The following ZNF726 variants were observed in gnomAD, a reference collection of about 807,000 sequenced individuals.
ZNF726 encodes zinc finger protein 92 pseudogene 3.
Under a neutral mutation model 11.6 loss-of-function variants are expected in ZNF726, and 15 were observed. The observed-to-expected ratio is 1.29, with a 90% CI of 0.86 to 1.99. The LOEUF (loss-of-function observed/expected upper bound fraction) is 1.99, where lower values mean the gene tolerates loss of function less well. Among genes scored for constraint, ZNF726 ranks in the 30% most tolerant of loss-of-function variants. The probability of loss-of-function intolerance (pLI) is 0.00; values close to 1 mark genes in which losing one functional copy is unlikely to be tolerated. For missense variants in ZNF726, 890 were observed against 725.6 expected (o/e 1.23, Z -2.60); for synonymous variants, 295 against 243.6 (o/e 1.21, Z -1.96).
chr19:23,923,910 T>C (rs974448789), intron 3 of ZNF726: 11 of 152,404 alleles, frequency 7.2e-5, no homozygotes. Context: ...TTGTATACTT[T>C]AAGTTAATGT....
intron 3 of ZNF726, chr19:23,921,560 T>G (rs1967852659): frequency 6.6e-6 from 1 of 152,174 alleles, no homozygotes; most frequent in South Asian, 2.1e-4. Context: ...CTCTCTAATT[T>G]TTTTATTGCT....
downstream of ZNF726, among the ~76,000 whole-genome samples, chr19:23,937,411 G>T (rs1315318191): frequency 6.6e-6 from 1 of 151,036 alleles, no homozygotes; most frequent in Non-Finnish European, 1.5e-5. Context: ...GGGCAGAGGG[G>T]CTCCTCACTT....
At chr19:23,936,921 A>G (rs1968243129), downstream of ZNF726, among the ~76,000 whole-genome samples, 1 of 151,752 alleles carries the variant, frequency 6.6e-6, no homozygotes, top group Non-Finnish European at 1.5e-5. Context: ...CCCCCTTTCT[A>G]TTCCACAAAA....
chr19:23,933,760 A>G lies in ZNF726; in HGVS notation c.1644A>G (p.Gln548=). 4 of 1,608,154 alleles carry G rather than the reference A, an allele frequency of 2.5e-6. No individual in the cohort carries two copies. Among genetic ancestry groups the G allele is most frequent in the Non-Finnish European group, 3.4e-6 (4 of 1,178,876 alleles). ...KCEECGKTFN[Q]SSNLSTHKII... ...AAGAATGTGGCAAAACTTTTAATCA[A>G]TCCTCAAATCTTAGTACACATAAGA... Residue 548 remains glutamine (Q), a synonymous_variant, in exon 4 of 4, where the codon CAA becomes CAG. Coordinates refer to ENST00000594466, the MANE Select transcript of ZNF726 (RefSeq NM_001244038.2).
chr19:23,921,911 A>G (rs548284445), intron 3 of ZNF726, among the ~76,000 whole-genome samples: 1 of 152,380 alleles, frequency 6.6e-6, no homozygotes, highest in Admixed American at 6.5e-5. Context: ...TTAAAATAGA[A>G]GCATTGACAA....
downstream of ZNF726, chr19:23,935,217 A>G (rs753057337): frequency 1.8e-5 from 8 of 445,396 alleles, no homozygotes; most frequent in Non-Finnish European, 2.8e-5. Context: ...CAGGTTTCCC[A>G]TGGAATGTGG....
intron 3 of ZNF726, among the ~76,000 whole-genome samples, chr19:23,924,289 G>T (rs1008445718): frequency 6.6e-6 from 1 of 151,034 alleles, no homozygotes; most frequent in Admixed American, 6.6e-5. Context: ...CCTGACCTCA[G>T]TTGAAATGCC....
Position 23,933,294 on chromosome 19 carries a change from G to C in ZNF726, c.1178G>C (p.Gly393Ala), listed in dbSNP as rs1189140892. 6.2e-7 allele frequency: 1 copy of C among 1,613,378 alleles called. No individual in the cohort carries two copies. The highest frequency in any genetic ancestry group is 8.5e-7 in the Non-Finnish European group (1 of 1,179,990). ...ACTAAACATAAGAGGATTCACACTGGAGAGAAACCCTACAAATGTGAAGAA... is the reference window on the plus strand; with the variant it reads ...ACTAAACATAAGAGGATTCACACTGCAGAGAAACCCTACAAATGTGAAGAA... ...TLTKHKRIHTGEKPYKCEECG... is the reference protein window; with the variant it reads ...TLTKHKRIHTAEKPYKCEECG... Residue 393 changes from glycine to alanine, a missense_variant, in exon 4 of 4, where the codon GGA becomes GCA. Gly to Ala is a moderately conservative substitution (Grantham distance 60, BLOSUM62 0). Transcript: ENST00000594466.
Position 23,933,954 on chromosome 19 carries a change from G to T in ZNF726, c.1838G>T (p.Arg613Met). 6.3e-7 allele frequency: 1 copy of T among 1,575,592 alleles called. No individual in the cohort carries two copies. Among genetic ancestry groups the T allele is most frequent in the Non-Finnish European group, 8.6e-7 (1 of 1,160,590 alleles). The change falls in exon 4 of 4, where the codon AGG becomes ATG. Residue 613 changes from arginine (R) to methionine (M), a missense_variant. Coordinates refer to ENST00000594466, the MANE Select transcript of ZNF726 (RefSeq NM_001244038.2). The stretch of plus-strand genomic sequence containing the variant: ...TCCTCAACCCTTTTTAAGCATAAGA[G>T]GATTCATACTTGAGAGAAACCTTAA... ...IWSSTLFKHK[R>M]IHT
At chr19:23,917,471 T>C (rs1221900758) in intron 1 of ZNF726, among the ~76,000 whole-genome samples, 1 of 149,282 alleles carries the variant, frequency 6.7e-6, no homozygotes, top group Non-Finnish European at 1.5e-5. Flanking sequence ...GCTTTTAGAA[T>C]GGTAGCTACC....
intron 3 of ZNF726, among the ~76,000 whole-genome samples, chr19:23,922,891 CT>C (rs1395817994): frequency 6.7e-6 from 1 of 148,942 alleles, no homozygotes; most frequent in East Asian, 2.0e-4. Flanking sequence ...GACAAATTTT[CT>C]TGCTGTCAGG....
chr19:23,926,906 T>C (rs948753547), intron 3 of ZNF726, among the ~76,000 whole-genome samples: 7 of 152,204 alleles, frequency 4.6e-5, no homozygotes, highest in African/African-American at 1.7e-4. Flanking sequence ...CATGGGTGTT[T>C]GTCTATAGTT....
intron 3 of ZNF726, among the ~76,000 whole-genome samples, chr19:23,930,601 G>C (rs931596625): frequency 2.0e-5 from 3 of 151,820 alleles, no homozygotes; most frequent in South Asian, 2.1e-4. Context: ...TGTTATCCTT[G>C]TATTTTTTTA....
chr19:23,919,308 G>A, intron 1 of ZNF726, 65 bp from the exon 2 acceptor site: 3 of 1,577,452 alleles, frequency 1.9e-6, no homozygotes, highest in Non-Finnish European at 2.6e-6. Context: ...ATTTTACCTT[G>A]AGTCAAATGA....
At position 23,934,190 on chromosome 19, in the gene ZNF726, A is replaced by G. The variant is rs1052587179; in HGVS notation, c.*223A>G. 1.3e-6 allele frequency: 1 copy of G among 795,568 alleles called. No individual in the cohort carries two copies. The highest frequency in any genetic ancestry group is 2.2e-6 in the Non-Finnish European group (1 of 453,740). The allele number at this position is 795,568 out of a possible 1,614,324, so 49.3% of individuals were successfully genotyped here. A position where few individuals can be genotyped will look rare whatever the true frequency, so the allele number is the denominator to read the frequency against. The stretch of plus-strand genomic sequence containing the variant: ...TTTAATCATTCTCAAATCTTACTAC[A>G]CATAAGATAATTCATACTGGAAATA... On this transcript the variant is annotated 3_prime_UTR_variant, in exon 4 of 4. Coordinates refer to ENST00000594466, the MANE Select transcript of ZNF726 (RefSeq NM_001244038.2).
At chr19:23,919,713 G>T in intron 2 of ZNF726, 1 of 564,924 alleles carries the variant, frequency 1.8e-6, no homozygotes, top group Non-Finnish European at 2.7e-6. Flanking sequence ...TTAGATTAGT[G>T]GTAATTTCAG....
chr19:23,944,692 TAATA>T (rs1372937619), intron 4 of ZNF726: 2 of 201,982 alleles, frequency 9.9e-6, no homozygotes, highest in African/African-American at 2.4e-5. Flanking sequence ...AATAATAATA[TAATA>T]AATAATAATA....
chr19:23,926,960 C>A (rs756221191), intron 3 of ZNF726, among the ~76,000 whole-genome samples: 6 of 152,026 alleles, frequency 3.9e-5, no homozygotes, highest in African/African-American at 9.7e-5. Flanking sequence ...CCTTAAAAAA[C>A]CCCTATTTGG....
chr19:23,918,809 G>GA (rs141339214), intron 1 of ZNF726, among the ~76,000 whole-genome samples: 319 of 142,492 alleles, frequency 2.2e-3, no homozygotes, highest in South Asian at 7.1e-3. Flanking sequence ...CAGAAAAACT[G>GA]AAAAAAAAAA....
Sources: allele counts gnomAD v4.1 joint callset (sites outside exome capture counted in the v4.1 genomes callset), GRCh38; gene constraint gnomAD v4.1.1; transcripts MANE v1.5; gene names NCBI Gene and HGNC (gene_info 2026-07-23, HGNC 2026-07-21).